Variants in PPARGC1A observed in about 807,000 individuals in gnomAD.
PPARGC1A encodes the protein peroxisome proliferator-activated receptor gamma coactivator 1-alpha.
In PPARGC1A, 25 loss-of-function variants were observed where a neutral mutation model predicts 88.7. The ratio of observed to expected loss-of-function variants is 0.28; its 90% CI spans 0.21 to 0.39. The LOEUF is 0.39. Among genes scored for constraint, PPARGC1A ranks in the 10% least tolerant of loss-of-function variants. PPARGC1A has a pLI of 1.00. For missense variants in PPARGC1A, 880 were observed against 968.7 expected (o/e 0.91, Z 1.22); for synonymous variants, 363 against 355.6 (o/e 1.02, Z -0.24).
chr4:23,879,882 C>G (rs894299832), intron 2 of PPARGC1A: 1 of 152,106 alleles, frequency 6.6e-6, no homozygotes, highest in Non-Finnish European at 1.5e-5. Context: ...ACCTTACATC[C>G]AAACTTACTC....
At chr4:23,913,299 GAGAGAGAGAA>G in the PPARGC1A span, among the ~76,000 whole-genome samples, 2 of 135,558 alleles carry the variant, frequency 1.5e-5, no homozygotes, top group Non-Finnish European at 3.2e-5. Context: ...GAGAGAGAGA[GAGAGAGAGAA>G]AGAGAAAATC....
the PPARGC1A span, among the ~76,000 whole-genome samples, chr4:24,382,435 A>C: frequency 3.3e-5 from 5 of 152,312 alleles, no homozygotes; most frequent in African/African-American, 1.2e-4. Flanking sequence ...AGAACTTAAA[A>C]GGCAGGAAGT....
At chr4:24,085,040 CA>C in the PPARGC1A span, among the ~76,000 whole-genome samples, 1 of 152,188 alleles carries the variant, frequency 6.6e-6, no homozygotes, top group Non-Finnish European at 1.5e-5. Context: ...TATCTTGATA[CA>C]TATTTCTTTA....
chr4:24,190,871 C>A, the PPARGC1A span, among the ~76,000 whole-genome samples: 1 of 152,198 alleles, frequency 6.6e-6, no homozygotes, highest in Admixed American at 6.5e-5. Flanking sequence ...ACAGCTGCAG[C>A]CCCTCAAGAG....
At chr4:24,106,553 T>C in the PPARGC1A span, among the ~76,000 whole-genome samples, 1 of 152,194 alleles carries the variant, frequency 6.6e-6, no homozygotes, top group Non-Finnish European at 1.5e-5. Flanking sequence ...AAGAGGCATG[T>C]AGATCTTCTA....
the PPARGC1A span, among the ~76,000 whole-genome samples, chr4:24,410,731 G>C: frequency 6.6e-6 from 1 of 152,162 alleles, no homozygotes; most frequent in Non-Finnish European, 1.5e-5. Flanking sequence ...GAGTCTTCCA[G>C]CCTCCATCTT....
At chr4:24,209,950 C>T in the PPARGC1A span, among the ~76,000 whole-genome samples, 1 of 152,134 alleles carries the variant, frequency 6.6e-6, no homozygotes, top group Non-Finnish European at 1.5e-5. Context: ...GATCAAATCC[C>T]CAACTTAGCT....
intron 2 of PPARGC1A, among the ~76,000 whole-genome samples, chr4:23,842,707 T>C (rs59114570): frequency 0.12 from 18,487 of 152,100 alleles, 1,142 homozygotes; most frequent in East Asian, 0.2. Context: ...CAAATGTTTC[T>C]GGGAGGCAAA....
At chr4:24,185,849 G>A in the PPARGC1A span, among the ~76,000 whole-genome samples, 1 of 139,422 alleles carries the variant, frequency 7.2e-6, no homozygotes, top group Non-Finnish European at 1.5e-5. Context: ...CATAGCACAT[G>A]TATACATATG....
chr4:23,813,379 T>G lies in PPARGC1A; in HGVS notation c.1794-254A>C, dbSNP rs61582770. On this transcript the variant is annotated intron_variant, in intron 8 of 12. Transcript: ENST00000264867. ...GGTCTGGTACACTGTCAGCTTTATC[T>G]TGCATGGATCTCCACTATCCTGGCA... 4.5e-3 allele frequency among the ~76,000 whole-genome samples: 679 copies of G among 152,296 alleles called. 2 individuals carry two copies. Among genetic ancestry groups the G allele is most frequent in the Admixed American group, 8.6e-3 (131 of 15,292 alleles).
chr4:24,127,555 G>A, the PPARGC1A span, among the ~76,000 whole-genome samples: 74 of 151,874 alleles, frequency 4.9e-4, no homozygotes, highest in South Asian at 1.3e-3. Context: ...ACACACGTGC[G>A]CGCGTGTGGA....
the PPARGC1A span, among the ~76,000 whole-genome samples, chr4:24,273,833 C>T: frequency 9.4e-5 from 14 of 148,992 alleles, no homozygotes; most frequent in East Asian, 2.0e-4. Context: ...CAGGTTGAAG[C>T]GATTCTCCTG....
the PPARGC1A span, among the ~76,000 whole-genome samples, chr4:24,355,804 A>G: frequency 6.6e-6 from 1 of 152,144 alleles, no homozygotes; most frequent in Non-Finnish European, 1.5e-5. Context: ...TTATTGTTAT[A>G]TTAGAATCCA....
the PPARGC1A span, among the ~76,000 whole-genome samples, chr4:24,281,908 G>T: frequency 1.3e-5 from 2 of 152,210 alleles, no homozygotes; most frequent in African/African-American, 4.8e-5. Flanking sequence ...CTATAAGGCA[G>T]ATACTCTTAT....
the PPARGC1A span, among the ~76,000 whole-genome samples, chr4:23,953,253 G>A: frequency 1.3e-5 from 2 of 152,012 alleles, no homozygotes; most frequent in Non-Finnish European, 2.9e-5. Flanking sequence ...AGACATGTTT[G>A]GTCAACTAAG....
chr4:24,277,463 G>A, the PPARGC1A span, among the ~76,000 whole-genome samples: 1 of 151,886 alleles, frequency 6.6e-6, no homozygotes, highest in Non-Finnish European at 1.5e-5. Flanking sequence ...AACAGTGTCA[G>A]CTCAATTAGG....
chr4:24,133,063 T>C, the PPARGC1A span, among the ~76,000 whole-genome samples: 1 of 152,222 alleles, frequency 6.6e-6, no homozygotes, highest in Non-Finnish European at 1.5e-5. Context: ...AGAATATTGA[T>C]ATTATGGTAC....
chr4:23,824,398 G>T (rs1401752276), intron 6 of PPARGC1A, 45 bp from the exon 7 acceptor site: 1 of 1,606,708 alleles, frequency 6.2e-7, no homozygotes, highest in Non-Finnish European at 8.5e-7. Flanking sequence ...AAATGGAGTT[G>T]CTGTAGCCAA....
chr4:23,901,178 T>C (rs1719299094), upstream of PPARGC1A, among the ~76,000 whole-genome samples: 1 of 152,078 alleles, frequency 6.6e-6, no homozygotes, highest in South Asian at 2.1e-4. Flanking sequence ...CCATCCTGGC[T>C]AACACGGTGA....
Sources: gnomAD v4.1 joint callset for allele counts (sites outside exome capture counted in the v4.1 genomes callset) on GRCh38, gnomAD v4.1.1 for gene constraint, MANE v1.5 for transcripts, NCBI Gene and HGNC (gene_info 2026-07-23, HGNC 2026-07-21) for gene names.